Variants in SAMD11 observed in about 807,000 individuals in gnomAD.
SAMD11 encodes the protein sterile alpha motif domain containing 11, also known as sterile alpha motif domain-containing protein 11.
Under a neutral mutation model 64.4 loss-of-function variants are expected in SAMD11, and 77 were observed. The ratio of observed to expected loss-of-function variants is 1.20; its 90% CI spans 0.99 to 1.44. The LOEUF (loss-of-function observed/expected upper bound fraction) is 1.44. Among genes scored for constraint, SAMD11 ranks in the 40% most tolerant of loss-of-function variants. The probability of loss-of-function intolerance (pLI) is 0.00; values close to 1 mark genes in which losing one functional copy is unlikely to be tolerated. For synonymous variants in SAMD11, 658 were observed against 421.9 expected (o/e 1.56, Z -6.86); for missense variants, 1,402 against 943.3 (o/e 1.49, Z -6.37).
chr1:944,383 AG>A lies in SAMD11; in HGVS notation c.*234del, dbSNP rs1322262681. ...GCAGACGGAGGGCAGAGGTGGTGGAAGGGGCCAGGGGCCTGCAGGCCTCCCC... is the reference window on the plus strand; with the variant it reads ...GCAGACGGAGGGCAGAGGTGGTGGAAGGGCCAGGGGCCTGCAGGCCTCCCC... On this transcript the variant is annotated 3_prime_UTR_variant, in exon 14 of 14. Coordinates refer to ENST00000616016, the MANE Select transcript of SAMD11 (RefSeq NM_001385641.1). 2 of 1,297,978 alleles carry A rather than the reference AG, an allele frequency of 1.5e-6. No individual in the cohort carries two copies. The highest frequency in any genetic ancestry group is 2.0e-6 in the Non-Finnish European group (2 of 1,009,776). The allele number at this position is 1,297,978 out of a possible 1,614,324, so 80.4% of individuals were successfully genotyped here.
chr1:935,743 G>T (rs1295573892), intron 4 of SAMD11, 29 bp from the exon 5 acceptor site: 1 of 1,612,566 alleles, frequency 6.2e-7, no homozygotes, highest in East Asian at 2.2e-5. Context: ...CTGCCCACGG[G>T]GTCAGCTTTT....
At chr1:942,016 C>T (rs908782141) in intron 8 of SAMD11, 120 bp from the exon 9 acceptor site, 3 of 414,104 alleles carry the variant, frequency 7.2e-6, no homozygotes, top group Non-Finnish European at 1.3e-5. Context: ...GGGGCCGTAA[C>T]GAGCTGCGCA....
chr1:930,905 C>T (rs561043059), intron 3 of SAMD11, 134 bp from the exon 4 acceptor site: 14 of 831,848 alleles, frequency 1.7e-5, no homozygotes, highest in South Asian at 6.2e-5. Flanking sequence ...GCATGGCAGC[C>T]GCCCTCGTTC....
In SAMD11 at chr1:942,158, T is replaced by C; in HGVS notation, c.1381T>C (p.Leu461=). Residue 461 remains leucine, a synonymous_variant, in exon 9 of 14, where the codon TTG becomes CTG. Transcript: ENST00000616016. ...CAGGGAGCTGCCTCAGCCGCCCCCC[T>C]TGCTGTCGCCGCAGAATGCCCCTCA... ...SERELPQPPP[L]LSPQNAPHVA... 1 of 1,411,512 alleles carries C rather than the reference T, an allele frequency of 7.1e-7. No individual in the cohort carries two copies. Among genetic ancestry groups the C allele is most frequent in the South Asian group, 1.4e-5 (1 of 70,618 alleles). 87.4% of individuals were successfully genotyped at this position (1,411,512 alleles called of 1,614,324 possible).
rs146347471 is a variant in SAMD11 at position 935,896 on chromosome 1, G to A, written c.967G>A (p.Gly323Ser). The A allele has an allele frequency of 9.4e-5, 151 of 1,612,374 alleles. No individual in the cohort carries two copies. Among genetic ancestry groups the A allele is most frequent in the Non-Finnish European group, 1.2e-4 (137 of 1,179,594 alleles). The change falls in exon 5 of 14, where the codon GGT becomes AGT. Residue 323 changes from glycine to serine, a missense_variant and splice_region_variant. Gly to Ser is a moderately conservative substitution (Grantham distance 56). Transcript: ENST00000616016. The stretch of plus-strand genomic sequence containing the variant: ...CCTGGAGATTGGCCTGCGACCCGCC[G>A]GTGAGGAGCACAGGGGGCCTGAGGG... ...GSLEIGLRPA[G>S]DLLGKRLGRS...
In SAMD11 at chr1:937,911, A is replaced by G. The variant is rs776511553; in HGVS notation, c.968-1129A>G. Among the ~76,000 whole-genome samples the G allele has an allele frequency of 2.6e-5, 4 of 152,228 alleles. No homozygotes were observed. The East Asian group carries it at 7.7e-4, about 29-fold the overall frequency. ...CTGATAAAAATGACAGATTAAGGGA[A>G]TAAGAAAAAGGAATTAGGCCTGGAG... On this transcript the variant is annotated intron_variant, in intron 5 of 13. Coordinates refer to ENST00000616016, the MANE Select transcript of SAMD11 (RefSeq NM_001385641.1).
In SAMD11 at chr1:944,285, T is replaced by C; in HGVS notation, c.*132T>C. 8.4e-6 allele frequency: 12 copies of C among 1,425,846 alleles called. No homozygotes were observed. The highest frequency in any genetic ancestry group is 2.6e-5 in the East Asian group (1 of 38,402). The allele number at this position is 1,425,846 out of a possible 1,614,324, so 88.3% of individuals were successfully genotyped here. A position where few individuals can be genotyped will look rare whatever the true frequency, so the allele number is the denominator to read the frequency against. The stretch of plus-strand genomic sequence containing the variant: ...AAAAAATTTTAAAAGAAAATGTGAC[T>C]TCAAAGGAAAGGAACAAATTTTCAA... On this transcript the variant is annotated 3_prime_UTR_variant, in exon 14 of 14. Transcript: ENST00000616016.
At position 941,191 on chromosome 1, in the gene SAMD11, C is replaced by G; in HGVS notation, c.1243C>G (p.Pro415Ala). The change falls in exon 8 of 14, where the codon CCC becomes GCC. Residue 415 changes from proline to alanine, a missense_variant. Physicochemically the swap from Pro to Ala is conservative, Grantham distance 27. Coordinates refer to ENST00000616016, the MANE Select transcript of SAMD11 (RefSeq NM_001385641.1). ...QEVAAAALRG[P>A]SGLEAHLPSS... ...GGTGGCGGCTGCAGCTCTGAGGGGCCCCAGTGGCCTGGAAGCCCACCTGCC... is the reference window on the plus strand; with the variant it reads ...GGTGGCGGCTGCAGCTCTGAGGGGCGCCAGTGGCCTGGAAGCCCACCTGCC... 6.2e-7 allele frequency: 1 copy of G among 1,602,034 alleles called. No homozygotes were observed. The highest frequency in any genetic ancestry group is 8.5e-7 in the Non-Finnish European group (1 of 1,175,286).
chr1:943,302 G>A lies in SAMD11; in HGVS notation c.2103G>A (p.Glu701=), dbSNP rs1441310085. ...SMDGEEAPAP[E]DVTKWTVDDV... ...ATGGGGAGGAGGCCCCAGCCCCTGAGGACGTCACCAAGTGGACCGTGGATG... is the reference window on the plus strand; with the variant it reads ...ATGGGGAGGAGGCCCCAGCCCCTGAAGACGTCACCAAGTGGACCGTGGATG... The change falls in exon 12 of 14, where the codon GAG becomes GAA. Residue 701 remains glutamate (E), a synonymous_variant. Transcript: ENST00000616016. 3 of 1,612,604 alleles carry A rather than the reference G, an allele frequency of 1.9e-6. No individual in the cohort carries two copies. Among genetic ancestry groups the A allele is most frequent in the East Asian group, 2.2e-5 (1 of 44,786 alleles).
At position 931,088 on chromosome 1, in the gene SAMD11, A is replaced by G; in HGVS notation, c.841A>G (p.Ser281Gly). 1 of 1,612,326 alleles carries G rather than the reference A, an allele frequency of 6.2e-7. No homozygotes were observed. The highest frequency in any genetic ancestry group is 8.5e-7 in the Non-Finnish European group (1 of 1,179,592). The stretch of plus-strand genomic sequence containing the variant: ...CATCTCTTTCCGAGAGGCGTCCTGC[A>G]GGTAGGAGCCGTGCTGTGCGTGCAT... Reference protein sequence around the residue: ...VNISFREASCSQDGNLPTLIS... With the variant: ...VNISFREASCGQDGNLPTLIS... The change falls in exon 4 of 14, where the codon AGC (serine) becomes GGC (glycine). Residue 281 changes from serine to glycine, a missense_variant and splice_region_variant. By Grantham distance (56) the Ser-to-Gly change is moderately conservative. Coordinates refer to ENST00000616016, the MANE Select transcript of SAMD11 (RefSeq NM_001385641.1).
At position 941,132 on chromosome 1, in the gene SAMD11, T is replaced by C; in HGVS notation, c.1196-12T>C. 1 of 1,589,596 alleles carries C rather than the reference T, an allele frequency of 6.3e-7. No homozygotes were observed. The highest frequency in any genetic ancestry group is 8.6e-7 in the Non-Finnish European group (1 of 1,168,904). Reference sequence around the variant, plus strand: ...ATAGCCGGGGGGATCACTGCTGTTGTCCCCCACCCAGATCTCCTGAGGGTC... The same window carrying C: ...ATAGCCGGGGGGATCACTGCTGTTGCCCCCCACCCAGATCTCCTGAGGGTC... On this transcript the variant is annotated splice_polypyrimidine_tract_variant and intron_variant, in intron 7 of 13. Transcript: ENST00000616016.
At chr1:926,421 C>T (rs1397913007) in intron 2 of SAMD11, among the ~76,000 whole-genome samples, 1 of 152,306 alleles carries the variant, frequency 6.6e-6, no homozygotes, top group East Asian at 1.9e-4. Flanking sequence ...GATTCTGGGA[C>T]GACAGCATTT....
At position 934,924 on chromosome 1, in the gene SAMD11, A is replaced by T. The variant is rs569137179; in HGVS notation, c.843-848A>T. Among the ~76,000 whole-genome samples the T allele has an allele frequency of 2.0e-3, 110 of 55,228 alleles. 21 individuals are homozygous for T. The highest frequency in any genetic ancestry group is 2.9e-3 in the Non-Finnish European group (89 of 30,618). The allele number at this position is 55,228 out of a possible 152,430, so 36.2% of individuals were successfully genotyped here. A position where few individuals can be genotyped will look rare whatever the true frequency, so the allele number is the denominator to read the frequency against. On this transcript the variant is annotated intron_variant, in intron 4 of 13. Transcript: ENST00000616016. ...TGGGCGGGGGAGGCGGCTGCGTTAC[A>T]GGTGGGCGGGGGGGGCGGCTGCGTT... is the stretch of plus-strand genomic sequence containing the variant.
At chr1:926,198 G>A (rs538704336) in intron 2 of SAMD11, among the ~76,000 whole-genome samples, 185 bp downstream of exon 2, 7 of 152,088 alleles carry the variant, frequency 4.6e-5, no homozygotes, top group East Asian at 3.9e-4. Context: ...ACCTGGACGG[G>A]GGAGGAGTCC....
chr1:931,871 C>G (rs1008871806), intron 4 of SAMD11, among the ~76,000 whole-genome samples: 1 of 152,164 alleles, frequency 6.6e-6, no homozygotes, highest in Non-Finnish European at 1.5e-5. Context: ...CAGGGGGAAG[C>G]GAGTGGTAAG....
In SAMD11 at chr1:942,575, G is replaced by A. The variant is rs759736184; in HGVS notation, c.1570G>A (p.Asp524Asn). The A allele has an allele frequency of 1.4e-6, 2 of 1,407,792 alleles. No homozygotes were observed. Among genetic ancestry groups the A allele is most frequent in the South Asian group, 3.0e-5 (2 of 66,082 alleles). The allele number at this position is 1,407,792 out of a possible 1,614,324, so 87.2% of individuals were successfully genotyped here. ...CCGGCCCAGGCTGGAGCTGCCCGCC[G>A]ACCTCCTGCGGCAGAAGGAGCTGGA... ...QNLARLELPA[D>N]LLRQKELESA... is the part of the protein sequence containing the mutation. The change falls in exon 11 of 14, where the codon GAC (aspartate) becomes AAC (asparagine). Residue 524 changes from aspartate (D) to asparagine (N), a missense_variant. By Grantham distance (23) the Asp-to-Asn change is conservative (BLOSUM62 1). Transcript: ENST00000616016.
intron 4 of SAMD11, among the ~76,000 whole-genome samples, chr1:931,785 G>A (rs113954963): frequency 0.022 from 3,380 of 152,346 alleles, 132 homozygotes; most frequent in African/African-American, 0.076. Context: ...TGTGATTCCA[G>A]GATGTGGAAA....
chr1:928,598 G>T (rs74047403), intron 2 of SAMD11, among the ~76,000 whole-genome samples: 1 of 152,248 alleles, frequency 6.6e-6, no homozygotes, highest in Non-Finnish European at 1.5e-5. Context: ...GGCCTTGGCC[G>T]CACTCTGTGG....
chr1:942,922 G>A lies in SAMD11; in HGVS notation c.1917G>A (p.Thr639=), dbSNP rs1475161517. 29 of 1,554,438 alleles carry A rather than the reference G, an allele frequency of 1.9e-5. No homozygotes were observed. The highest frequency in any genetic ancestry group is 2.4e-5 in the Non-Finnish European group (28 of 1,150,084). ...ACTCGGACGGAGAGGACCCCGAGAC[G>A]GCAGCTGTTGGGTGCAGGGGGCCCA... The part of the protein sequence containing the change: ...PKDSDGEDPE[T]AAVGCRGPTP... The change falls in exon 11 of 14, where the codon ACG becomes ACA. Residue 639 remains threonine, a synonymous_variant. Transcript: ENST00000616016.
Sources: gnomAD v4.1 joint callset for allele counts (sites outside exome capture counted in the v4.1 genomes callset) on GRCh38, gnomAD v4.1.1 for gene constraint, MANE v1.5 for transcripts, NCBI Gene and HGNC (gene_info 2026-07-23, HGNC 2026-07-21) for gene names.